The following METTL16 variants were observed in gnomAD, a reference collection of about 807,000 sequenced individuals.
The protein encoded by METTL16 is methyltransferase 16, RNA N6-adenosine.
In METTL16, 19 loss-of-function variants were observed where a neutral mutation model predicts 57.9. The ratio of observed to expected loss-of-function variants is 0.33; its 90% CI spans 0.23 to 0.48. The LOEUF (loss-of-function observed/expected upper bound fraction) is 0.48. Among genes scored for constraint, METTL16 ranks in the 20% least tolerant of loss-of-function variants. The pLI, the probability that METTL16 is intolerant of heterozygous loss-of-function variation, is 0.99. For missense variants in METTL16, 434 were observed against 691.5 expected (o/e 0.63, Z 4.18); for synonymous variants, 246 against 255.6 (o/e 0.96, Z 0.36).
chr17:2,450,703 A>AG (rs2067062326), intron 6 of METTL16, among the ~76,000 whole-genome samples: 1 of 152,200 alleles, frequency 6.6e-6, no homozygotes, highest in Non-Finnish European at 1.5e-5. Context: ...AACAATACAT[A>AG]TTCTGTCTCC....
intron 2 of METTL16, among the ~76,000 whole-genome samples, chr17:2,493,889 T>A (rs890023015): frequency 3.3e-5 from 5 of 151,986 alleles, no homozygotes; most frequent in African/African-American, 1.2e-4. Flanking sequence ...CCATGCGAGG[T>A]TGCAACTATA....
At chr17:2,446,933 G>C (rs866593640) in intron 6 of METTL16, among the ~76,000 whole-genome samples, 1 of 151,356 alleles carries the variant, frequency 6.6e-6, no homozygotes, top group South Asian at 2.1e-4. Context: ...GCTCGCTACA[G>C]CCTCCACCTC....
intron 8 of METTL16, among the ~76,000 whole-genome samples, chr17:2,426,652 C>T (rs1205424973): frequency 7.0e-6 from 1 of 142,132 alleles, no homozygotes; most frequent in East Asian, 2.1e-4. Context: ...TTGCTCGAAC[C>T]AGGGAGTCGG....
chr17:2,457,815 C>T (rs963039741), intron 6 of METTL16, among the ~76,000 whole-genome samples: 1 of 152,010 alleles, frequency 6.6e-6, no homozygotes, highest in Admixed American at 6.6e-5. Flanking sequence ...GAGATAGCTA[C>T]TATCATTCCA....
chr17:2,503,362 T>G (rs190993582), intron 1 of METTL16, among the ~76,000 whole-genome samples: 100 of 151,408 alleles, frequency 6.6e-4, no homozygotes, highest in Non-Finnish European at 1.1e-3. Context: ...ATAATAAATA[T>G]GGGTCAACAA....
intron 8 of METTL16, among the ~76,000 whole-genome samples, chr17:2,429,553 G>A (rs568389030): frequency 6.6e-6 from 1 of 150,832 alleles, no homozygotes; most frequent in Non-Finnish European, 1.5e-5. Flanking sequence ...TAACTAATAG[G>A]AGAAGTTTCC....
chr17:2,440,396 G>A (rs755904898), intron 7 of METTL16, among the ~76,000 whole-genome samples: 2 of 151,896 alleles, frequency 1.3e-5, no homozygotes, highest in African/African-American at 2.4e-5. Flanking sequence ...CTACAGGCGC[G>A]TGCCACCATG....
chr17:2,446,597 C>T (rs1053086931), intron 6 of METTL16, among the ~76,000 whole-genome samples: 1 of 149,816 alleles, frequency 6.7e-6, no homozygotes, highest in African/African-American at 2.5e-5. Context: ...CCTGGCTCTC[C>T]CTCTCCCTCT....
At chr17:2,429,959 C>T (rs187464155) in intron 8 of METTL16, among the ~76,000 whole-genome samples, 2,021 of 147,484 alleles carry the variant, frequency 0.014, 27 homozygotes, top group Non-Finnish European at 0.018. Context: ...TACAGGCGCC[C>T]GCCACCATGC....
intron 2 of METTL16, 22 bp from the exon 3 acceptor site, chr17:2,477,907 G>A: frequency 1.3e-6 from 2 of 1,594,852 alleles, no homozygotes; most frequent in African/African-American, 1.3e-5. Context: ...AGAAAAGGAA[G>A]TAAAACTGAT....
At chr17:2,485,627 G>A (rs1469134877) in intron 2 of METTL16, among the ~76,000 whole-genome samples, 4 of 152,134 alleles carry the variant, frequency 2.6e-5, no homozygotes, top group Non-Finnish European at 4.4e-5. Flanking sequence ...TACAGAATAG[G>A]TCAGAATTTT....
At chr17:2,425,947 C>T (rs770665662) in intron 8 of METTL16, among the ~76,000 whole-genome samples, 3 of 149,306 alleles carry the variant, frequency 2.0e-5, no homozygotes, top group Non-Finnish European at 4.4e-5. Flanking sequence ...TCAATGATGC[C>T]ATCAGCCAAG....
rs186561000 is a variant in METTL16 at position 2,464,847 on chromosome 17, A to G, written c.586-497T>C. Among the ~76,000 whole-genome samples, 538 of 149,860 alleles carry G rather than the reference A, an allele frequency of 3.6e-3. 3 individuals are homozygous for G. The highest frequency in any genetic ancestry group is 0.013 in the African/African-American group (496 of 39,254). ...TGGATTAATTTTCATTAAGAAAATT[A>G]ATTTTCATGAGCTTGGATTAGGCAA... On this transcript the variant is annotated intron_variant, in intron 5 of 9. Coordinates refer to ENST00000263092, the MANE Select transcript of METTL16 (RefSeq NM_024086.4).
At chr17:2,493,129 CTTTTTTTT>C (rs764351584) in intron 2 of METTL16, among the ~76,000 whole-genome samples, 3 of 132,884 alleles carry the variant, frequency 2.3e-5, no homozygotes, top group African/African-American at 8.2e-5. Flanking sequence ...GGTGATTCTT[CTTTTTTTT>C]TTTTTTTTTG....
At chr17:2,497,394 C>T (rs1372572955) in intron 2 of METTL16, among the ~76,000 whole-genome samples, 1 of 139,772 alleles carries the variant, frequency 7.2e-6, no homozygotes, top group African/African-American at 2.7e-5. Flanking sequence ...CTCACTGCAA[C>T]CTCTACCTCT....
intron 8 of METTL16, among the ~76,000 whole-genome samples, chr17:2,422,758 C>T (rs907156651): frequency 4.0e-5 from 6 of 151,794 alleles, no homozygotes; most frequent in South Asian, 2.1e-4. Flanking sequence ...CCGAGGCGGC[C>T]GGATGGATTG....
intron 2 of METTL16, among the ~76,000 whole-genome samples, chr17:2,483,599 G>A (rs566361291): frequency 5.3e-4 from 80 of 152,210 alleles, no homozygotes; most frequent in Non-Finnish European, 5.7e-4. Flanking sequence ...CAACAACCAC[G>A]AACACATTTC....
chr17:2,437,605 G>C (rs2066917666), intron 8 of METTL16, among the ~76,000 whole-genome samples: 1 of 152,130 alleles, frequency 6.6e-6, no homozygotes, highest in Non-Finnish European at 1.5e-5. Context: ...AGGCTGGAGT[G>C]CAGTGGCACA....
At chr17:2,440,679 G>T (rs1597444616) in intron 7 of METTL16, among the ~76,000 whole-genome samples, 1 of 152,078 alleles carries the variant, frequency 6.6e-6, no homozygotes, top group Non-Finnish European at 1.5e-5. Context: ...CAAAGGAAAA[G>T]AAATCATTAG....
Sources: gnomAD v4.1 joint callset for allele counts (sites outside exome capture counted in the v4.1 genomes callset) on GRCh38, gnomAD v4.1.1 for gene constraint, MANE v1.5 for transcripts, NCBI Gene and HGNC (gene_info 2026-07-23, HGNC 2026-07-21) for gene names.